Variants in CGA observed in about 807,000 individuals in gnomAD.
CGA encodes glycoprotein hormones, alpha polypeptide.
In CGA, 4 loss-of-function variants were observed where a neutral mutation model predicts 12.0. The observed-to-expected ratio is 0.33, with a 90% confidence interval of 0.16 to 0.76. The LOEUF is 0.76. Among genes scored for constraint, CGA ranks in the 30% least tolerant of loss-of-function variants. The pLI is 0.60. For missense variants in CGA, 102 were observed against 143.5 expected (o/e 0.71, Z 1.48); for synonymous variants, 60 against 56.6 (o/e 1.06, Z -0.27).
chr6:87,086,338 G>A lies in CGA; in HGVS notation c.185C>T (p.Pro62Leu), dbSNP rs1271125160. The A allele has an allele frequency of 6.2e-7, 1 of 1,614,022 alleles. No homozygotes were observed. The highest frequency in any genetic ancestry group is 2.2e-5 in the East Asian group (1 of 44,894). ...CMGCCFSRAY[P>L]TPLRSKKTML... ...CGTCTTCTTGGACCTTAGTGGAGTG[G>A]GATATGCTCTAGAGAAGCAGCAGCC... The change falls in exon 3 of 4, where the codon CCC (proline) becomes CTC (leucine). Residue 62 changes from proline (P) to leucine (L), a missense_variant. Physicochemically the swap from Pro to Leu is moderately conservative, Grantham distance 98 (BLOSUM62 -3). Transcript: ENST00000627148.
chr6:87,086,952 G>T (rs1215695605), intron 2 of CGA, among the ~76,000 whole-genome samples: 1 of 152,024 alleles, frequency 6.6e-6, no homozygotes, highest in Non-Finnish European at 1.5e-5. Context: ...GGTGGCAGGT[G>T]CCTGTAATAC....
At chr6:87,087,079 A>G (rs950920831) in intron 2 of CGA, among the ~76,000 whole-genome samples, 2 of 152,212 alleles carry the variant, frequency 1.3e-5, no homozygotes, top group African/African-American at 4.8e-5. Flanking sequence ...ACTCTGTCTC[A>G]AAAGAAAAGG....
At chr6:87,090,261 A>C (rs954334054) in intron 1 of CGA, among the ~76,000 whole-genome samples, 2 of 152,192 alleles carry the variant, frequency 1.3e-5, no homozygotes, top group Non-Finnish European at 2.9e-5. Flanking sequence ...TGTGGGGTTA[A>C]AATGATTTTC....
At chr6:87,087,949 A>G (rs1769353747) in intron 2 of CGA, 164 bp downstream of exon 2, 1 of 410,168 alleles carries the variant, frequency 2.4e-6, no homozygotes, top group Non-Finnish European at 4.4e-6. Flanking sequence ...TTCTGAACCT[A>G]ATTTAATTTT....
chr6:87,094,581 C>G (rs1769501545), intron 1 of CGA, among the ~76,000 whole-genome samples: 1 of 152,184 alleles, frequency 6.6e-6, no homozygotes, highest in South Asian at 2.1e-4. Context: ...TATAGTCATT[C>G]AGCTGAACAA....
In CGA at chr6:87,088,149, A is replaced by T; in HGVS notation, c.52T>A (p.Phe18Ile). 1 of 1,600,670 alleles carries T rather than the reference A, an allele frequency of 6.2e-7. No individual in the cohort carries two copies. The highest frequency in any genetic ancestry group is 8.5e-7 in the Non-Finnish European group (1 of 1,172,124). The stretch of plus-strand genomic sequence containing the variant: ...GGAGCGGAATGGAGAACATGCAGAA[A>T]CACCGACAATGTGACCAGAAAGATA... ...AAIFLVTLSV[F>I]LHVLHSAPDV... Residue 18 changes from phenylalanine (F) to isoleucine (I), a missense_variant, in exon 2 of 4, where the codon TTT becomes ATT. Phe to Ile is a conservative substitution (Grantham distance 21). Transcript: ENST00000627148.
At chr6:87,093,310 T>A (rs1389758090) in intron 1 of CGA, among the ~76,000 whole-genome samples, 2 of 152,226 alleles carry the variant, frequency 1.3e-5, no homozygotes, top group African/African-American at 4.8e-5. Context: ...GTTTCAGTTA[T>A]CTTGTCTAAT....
At chr6:87,091,275 GA>G (rs34283595) in intron 1 of CGA, among the ~76,000 whole-genome samples, 80,069 of 151,880 alleles carry the variant, frequency 0.53, 21,242 homozygotes, top group East Asian at 0.58. Flanking sequence ...TGCTGTAGCA[GA>G]AACTATTACC....
chr6:87,090,637 A>ATTTTTT lies in CGA; in HGVS notation c.-7-2436_-7-2431dup, dbSNP rs147883019. Among the ~76,000 whole-genome samples the ATTTTTT allele has an allele frequency of 6.3e-4, 79 of 124,770 alleles. 2 individuals carry two copies. Among genetic ancestry groups the ATTTTTT allele is most frequent in the Admixed American group, 1.4e-3 (16 of 11,716 alleles). The allele number at this position is 124,770 out of a possible 152,430, so 81.9% of individuals were successfully genotyped here. On this transcript the variant is annotated intron_variant, in intron 1 of 3. Transcript: ENST00000627148. ...TAGAAGCTCTTTGGGCTCTTCAATA[A>ATTTTTT]TTTTTTTTTTGTTTTTTTGAGATTG... is the stretch of plus-strand genomic sequence containing the variant.
At chr6:87,091,514 G>T (rs967484137) in intron 1 of CGA, among the ~76,000 whole-genome samples, 1 of 152,276 alleles carries the variant, frequency 6.6e-6, no homozygotes, top group East Asian at 1.9e-4. Flanking sequence ...TCTAAAGTCA[G>T]ATTTACTAAT....
At chr6:87,088,242 A>C (rs1307152505) in intron 1 of CGA, 35 bp from the exon 2 acceptor site, 6 of 1,199,012 alleles carry the variant, frequency 5.0e-6, no homozygotes, top group Non-Finnish European at 2.4e-6. Flanking sequence ...AAAAAACAAA[A>C]AACAGTTAAT....
At chr6:87,090,016 C>A (rs1305565777) in intron 1 of CGA, among the ~76,000 whole-genome samples, 2 of 152,128 alleles carry the variant, frequency 1.3e-5, no homozygotes, top group Admixed American at 6.5e-5. Flanking sequence ...ATCTAAAACA[C>A]CTTTCATCCT....
At chr6:87,092,366 T>C (rs1769447529) in intron 1 of CGA, among the ~76,000 whole-genome samples, 1 of 152,094 alleles carries the variant, frequency 6.6e-6, no homozygotes, top group African/African-American at 2.4e-5. Flanking sequence ...GTAGTAGGTA[T>C]ATCCCTTAAC....
Position 87,085,544 on chromosome 6 carries a change from T to C in CGA, c.*212A>G. The C allele has an allele frequency of 2.0e-6, 1 of 506,218 alleles. No individual in the cohort carries two copies. Among genetic ancestry groups the C allele is most frequent in the Non-Finnish European group, 3.6e-6 (1 of 277,236 alleles). The allele number at this position is 506,218 out of a possible 1,614,324, so 31.4% of individuals were successfully genotyped here. A position where few individuals can be genotyped will look rare whatever the true frequency, so the allele number is the denominator to read the frequency against. On this transcript the variant is annotated 3_prime_UTR_variant, in exon 4 of 4. Transcript: ENST00000627148. ...TTTATTTGCAGTGGAACAAGCTAAATGCTGTATTCATTCCAAATGAAAAGA... is the reference window on the plus strand; with the variant it reads ...TTTATTTGCAGTGGAACAAGCTAAACGCTGTATTCATTCCAAATGAAAAGA...
chr6:87,088,318 C>CAGTGTCTT, intron 1 of CGA, 111 bp from the exon 2 acceptor site: 1 of 558,920 alleles, frequency 1.8e-6, no homozygotes. Context: ...TAATAGTCAT[C>CAGTGTCTT]AGTGTCTTGA....
intron 1 of CGA, among the ~76,000 whole-genome samples, chr6:87,090,939 A>G (rs1393574311): frequency 2.0e-5 from 3 of 151,306 alleles, no homozygotes; most frequent in Admixed American, 2.0e-4. Context: ...AGCCACCATG[A>G]CCAGCCTGGG....
intron 1 of CGA, among the ~76,000 whole-genome samples, chr6:87,089,793 T>C (rs1301364186): frequency 6.6e-6 from 1 of 152,188 alleles, no homozygotes; most frequent in Non-Finnish European, 1.5e-5. Flanking sequence ...CTGAAACATT[T>C]TGCGCACCAA....
intron 2 of CGA, 36 bp downstream of exon 2, chr6:87,088,077 G>A (rs777733310): frequency 2.4e-6 from 3 of 1,234,452 alleles, no homozygotes; most frequent in Non-Finnish European, 3.5e-6. Flanking sequence ...AATGTGTGTT[G>A]TCCTTATTAC....
chr6:87,088,227 AAAAAAAAAAAC>A lies in CGA; in HGVS notation c.-7-31_-7-21del. 8.6e-7 allele frequency: 1 copy of A among 1,169,050 alleles called. No homozygotes were observed. Among genetic ancestry groups the A allele is most frequent in the Non-Finnish European group, 1.1e-6 (1 of 878,240 alleles). 72.4% of individuals were successfully genotyped at this position (1,169,050 alleles called of 1,614,324 possible). A position where few individuals can be genotyped will look rare whatever the true frequency, so the allele number is the denominator to read the frequency against. On this transcript the variant is annotated intron_variant, in intron 1 of 3. Coordinates refer to ENST00000627148, the MANE Select transcript of CGA (RefSeq NM_000735.4). Reference sequence around the variant, plus strand: ...GCGCTCCTGCAGACAGACATGGCAAAAAAAAAAAAACAAAAAACAGTTAATCTAAAATTGGC... The same window carrying A: ...GCGCTCCTGCAGACAGACATGGCAAAAAAAAACAGTTAATCTAAAATTGGC...
Sources: gnomAD v4.1 joint callset for allele counts (sites outside exome capture counted in the v4.1 genomes callset) on GRCh38, gnomAD v4.1.1 for gene constraint, MANE v1.5 for transcripts, NCBI Gene and HGNC (gene_info 2026-07-23, HGNC 2026-07-21) for gene names.